Variants in KYNU observed in about 807,000 individuals in gnomAD.
The protein encoded by KYNU is kynureninase, also known as L-kynurenine hydrolase.
A neutral mutation model predicts 59.2 loss-of-function variants in KYNU; 54 were observed. The observed-to-expected ratio is 0.91, with a 90% CI of 0.73 to 1.14. The LOEUF (loss-of-function observed/expected upper bound fraction) is 1.14. Among genes scored for constraint, KYNU ranks in the 50% most tolerant of loss-of-function variants. The probability of loss-of-function intolerance (pLI) is 0.00; values close to 1 mark genes in which losing one functional copy is unlikely to be tolerated. For missense variants in KYNU, 567 were observed against 554.4 expected, an observed-to-expected ratio of 1.02 and a Z score of -0.23; for synonymous variants, 177 against 192.0, an observed-to-expected ratio of 0.92 and a Z score of 0.65.
intron 10 of KYNU, among the ~76,000 whole-genome samples, chr2:143,006,813 C>G (rs1685920627): frequency 6.6e-6 from 1 of 151,858 alleles, no homozygotes; most frequent in South Asian, 2.1e-4. Context: ...CCTCACACGG[C>G]AGGGTATTCC....
intron 2 of KYNU, among the ~76,000 whole-genome samples, chr2:142,896,658 C>T (rs1405321010): frequency 1.3e-5 from 2 of 152,162 alleles, no homozygotes; most frequent in African/African-American, 4.8e-5. Flanking sequence ...AGCAAATCTC[C>T]TGCTAATTTT....
chr2:143,022,682 C>T (rs1686442473), intron 10 of KYNU, among the ~76,000 whole-genome samples: 1 of 151,900 alleles, frequency 6.6e-6, no homozygotes, highest in Non-Finnish European at 1.5e-5. Flanking sequence ...CTCTATTTCT[C>T]CTATTAAAAT....
intron 2 of KYNU, among the ~76,000 whole-genome samples, chr2:142,912,912 C>A (rs893589048): frequency 6.6e-6 from 1 of 151,340 alleles, no homozygotes; most frequent in African/African-American, 2.4e-5. Context: ...CAGGGTTTCA[C>A]CATGTTAGCC....
chr2:142,955,019 A>G (rs1684117509), intron 5 of KYNU, 148 bp downstream of exon 5: 10 of 625,080 alleles, frequency 1.6e-5, no homozygotes, highest in Non-Finnish European at 2.9e-5. Flanking sequence ...ATGCTGGACC[A>G]TGATATAATA....
intron 4 of KYNU, among the ~76,000 whole-genome samples, chr2:142,945,957 C>T (rs547820322): frequency 1.6e-4 from 25 of 151,932 alleles, no homozygotes; most frequent in Non-Finnish European, 3.1e-4. Context: ...AGGCTGGTCC[C>T]GAACTCCTGA....
rs564101295 is a variant in KYNU at position 142,949,293 on chromosome 2, C to A, written c.374-5517C>A. On this transcript the variant is annotated intron_variant, in intron 4 of 13. Coordinates refer to ENST00000264170, the MANE Select transcript of KYNU (RefSeq NM_003937.3). ...CACTCTGGGGACTGGAGGACAGTGG[C>A]CCTCTTCTCACAGCTCCACTAGGTG... Among the ~76,000 whole-genome samples the A allele has an allele frequency of 5.6e-3, 852 of 152,272 alleles. 5 individuals are homozygous for A. The highest frequency in any genetic ancestry group is 0.01 in the Middle Eastern group (3 of 294).
chr2:142,968,006 A>G (rs1573852111), intron 8 of KYNU, among the ~76,000 whole-genome samples: 1 of 152,202 alleles, frequency 6.6e-6, no homozygotes, highest in East Asian at 1.9e-4. Flanking sequence ...TTAATACTGG[A>G]ATGTTAAATA....
At chr2:142,973,977 CA>C (rs547405027) in intron 8 of KYNU, among the ~76,000 whole-genome samples, 138 of 152,308 alleles carry the variant, frequency 9.1e-4, no homozygotes, top group South Asian at 1.9e-3. Context: ...TAACACCACC[CA>C]AAGTATACTT....
chr2:142,994,568 A>G (rs1685487362), intron 10 of KYNU, among the ~76,000 whole-genome samples: 1 of 152,086 alleles, frequency 6.6e-6, no homozygotes, highest in Non-Finnish European at 1.5e-5. Context: ...AGCCATGGCA[A>G]TTTAGGCAGA....
intron 1 of KYNU, among the ~76,000 whole-genome samples, chr2:142,880,510 C>T (rs897474691): frequency 2.6e-5 from 4 of 152,176 alleles, no homozygotes; most frequent in African/African-American, 9.7e-5. Context: ...TTCTGTTTTA[C>T]TTTGAAAAAT....
At chr2:142,905,662 G>A (rs906926674) in intron 2 of KYNU, among the ~76,000 whole-genome samples, 3 of 152,212 alleles carry the variant, frequency 2.0e-5, no homozygotes, top group Admixed American at 2.0e-4. Flanking sequence ...AACTGGTTAT[G>A]TGTGCTCACA....
intron 2 of KYNU, among the ~76,000 whole-genome samples, chr2:142,889,061 C>T (rs1380282235): frequency 6.6e-6 from 1 of 151,542 alleles, no homozygotes; most frequent in Non-Finnish European, 1.5e-5. Flanking sequence ...TGAGCCTGGT[C>T]GTGGTCCACG....
intron 2 of KYNU, among the ~76,000 whole-genome samples, chr2:142,888,185 C>T (rs756723252): frequency 5.9e-5 from 9 of 152,240 alleles, no homozygotes; most frequent in East Asian, 1.9e-4. Flanking sequence ...TTGCTGGACA[C>T]GGTGGCTCAC....
At chr2:142,939,909 C>G (rs1238570809) in intron 4 of KYNU, among the ~76,000 whole-genome samples, 1 of 152,138 alleles carries the variant, frequency 6.6e-6, no homozygotes, top group Non-Finnish European at 1.5e-5. Flanking sequence ...CTGGGCAGCC[C>G]TGGATGCTTA....
At position 143,047,549 on chromosome 2, in the gene KYNU, C is replaced by CTT. The variant is rs1246393346; in HGVS notation, c.*5378_*5379insTT. 6.6e-6 allele frequency: 1 copy of CTT among 150,532 alleles called. No homozygotes were observed. The highest frequency in any genetic ancestry group is 1.5e-5 in the Non-Finnish European group (1 of 67,598). 9.3% of individuals were successfully genotyped at this position (150,532 alleles called of 1,614,324 possible). A position where few individuals can be genotyped will look rare whatever the true frequency, so the allele number is the denominator to read the frequency against. Reference sequence around the variant, plus strand: ...TTTCTTTCTCTCTCTTTCTCTTTCTCTCTTTCTTTCTTTCTTTCTTTCTCA... The same window carrying CTT: ...TTTCTTTCTCTCTCTTTCTCTTTCTCTTTCTTTCTTTCTTTCTTTCTTTCTCA... On this transcript the variant is annotated 3_prime_UTR_variant, in exon 14 of 14. Transcript: ENST00000264170.
In KYNU at chr2:143,047,551, C is replaced by CT. The variant is rs1311096701; in HGVS notation, c.*5382dup. Reference sequence around the variant, plus strand: ...TCTTTCTCTCTCTTTCTCTTTCTCTCTTTCTTTCTTTCTTTCTTTCTCACA... The same window carrying CT: ...TCTTTCTCTCTCTTTCTCTTTCTCTCTTTTCTTTCTTTCTTTCTTTCTCACA... On this transcript the variant is annotated 3_prime_UTR_variant, in exon 14 of 14. Coordinates refer to ENST00000264170, the MANE Select transcript of KYNU (RefSeq NM_003937.3). 6.7e-6 allele frequency: 1 copy of CT among 149,974 alleles called. No homozygotes were observed. Among genetic ancestry groups the CT allele is most frequent in the African/African-American group, 2.5e-5 (1 of 40,750 alleles). The allele number at this position is 149,974 out of a possible 1,614,324, so 9.3% of individuals were successfully genotyped here.
chr2:142,885,968 A>G (rs6752885), intron 2 of KYNU, among the ~76,000 whole-genome samples: 147,429 of 152,146 alleles, frequency 0.97, 71,481 homozygotes, highest in East Asian at 1. Context: ...GATATATTAG[A>G]AGAGATGTTA....
rs187328839 is a variant in KYNU at position 142,955,376 on chromosome 2, A to C, written c.435+505A>C. On this transcript the variant is annotated intron_variant, in intron 5 of 13. Coordinates refer to ENST00000264170, the MANE Select transcript of KYNU (RefSeq NM_003937.3). ...CTTACTCAATAAACAGTTTTACCTT[A>C]AAGTGTCAAATCTATTATCTATTAG... Among the ~76,000 whole-genome samples, 21 of 152,216 alleles carry C rather than the reference A, an allele frequency of 1.4e-4. No individual in the cohort carries two copies. The East Asian group carries it at 4.0e-3, about 29-fold the overall frequency.
chr2:142,952,290 G>C (rs780632149), intron 4 of KYNU, among the ~76,000 whole-genome samples: 5 of 151,776 alleles, frequency 3.3e-5, no homozygotes, highest in Non-Finnish European at 5.9e-5. Context: ...TGCCCAGGCT[G>C]GTCTTGAACT....
Sources: allele counts gnomAD v4.1 joint callset (sites outside exome capture counted in the v4.1 genomes callset), GRCh38; gene constraint gnomAD v4.1.1; transcripts MANE v1.5; gene names NCBI Gene and HGNC (gene_info 2026-07-23, HGNC 2026-07-21).